Variants in CUL1 observed in about 807,000 individuals in gnomAD.
CUL1 encodes the protein cullin 1.
A neutral mutation model predicts 118.0 loss-of-function variants in CUL1; 24 were observed. The observed-to-expected ratio is 0.20, with a 90% CI of 0.15 to 0.29. CUL1 has a LOEUF of 0.29. Among genes scored for constraint, CUL1 ranks in the 10% least tolerant of loss-of-function variants. CUL1 has a pLI of 1.00. For synonymous variants in CUL1, 332 were observed against 340.4 expected, an observed-to-expected ratio of 0.98 and a Z score of 0.27; for missense variants, 361 against 933.8, an observed-to-expected ratio of 0.39 and a Z score of 7.99.
chr7:148,782,046 C>T (rs538843749), intron 9 of CUL1, among the ~76,000 whole-genome samples: 1 of 152,244 alleles, frequency 6.6e-6, no homozygotes, highest in African/African-American at 2.4e-5. Flanking sequence ...TACCCAATAG[C>T]GTTTCTAGCA....
rs1801342389 is a variant in CUL1, at chr7:148,800,290, C to T, written c.2251-212C>T. Among the ~76,000 whole-genome samples the T allele has an allele frequency of 6.6e-6, 1 of 152,184 alleles. No homozygotes were observed. Among genetic ancestry groups the T allele is most frequent in the South Asian group, 2.1e-4 (1 of 4,832 alleles). On this transcript the variant is annotated intron_variant, in intron 21 of 21. Coordinates refer to ENST00000325222, the MANE Select transcript of CUL1 (RefSeq NM_003592.3). The surrounding 1 kb of genome is among the most constrained non-coding windows in gnomAD (Gnocchi z 4.6). Reference sequence around the variant, plus strand: ...GGCGGGTGCAGGAGGGACTCGGAGTCACCCTCAGCAAGTGTCAGGGAGCTC... The same window carrying T: ...GGCGGGTGCAGGAGGGACTCGGAGTTACCCTCAGCAAGTGTCAGGGAGCTC...
At chr7:148,716,962 T>C (rs776754514) in intron 1 of CUL1, among the ~76,000 whole-genome samples, 2 of 152,336 alleles carry the variant, frequency 1.3e-5, no homozygotes, top group East Asian at 3.9e-4. Context: ...ATCTGTCATG[T>C]TATTAGATCT....
At chr7:148,759,749 T>G (rs1799777676) in intron 6 of CUL1, 111 bp downstream of exon 6, 1 of 515,478 alleles carries the variant, frequency 1.9e-6, no homozygotes. Context: ...AGGATATTGT[T>G]AGCATTTACG....
intron 1 of CUL1, among the ~76,000 whole-genome samples, chr7:148,725,697 A>C (rs564868723): frequency 6.6e-6 from 1 of 152,324 alleles, no homozygotes; most frequent in Non-Finnish European, 1.5e-5. Context: ...TGTGTGACCT[A>C]TCTGTCCTTT....
chr7:148,708,857 G>C (rs1018618471), intron 1 of CUL1, among the ~76,000 whole-genome samples: 2 of 152,206 alleles, frequency 1.3e-5, no homozygotes, highest in Non-Finnish European at 2.9e-5. Context: ...TGCGGAAGTT[G>C]TGTTAACTTT....
At chr7:148,791,085 C>T (rs1800989494) in intron 16 of CUL1, among the ~76,000 whole-genome samples, 1 of 152,144 alleles carries the variant, frequency 6.6e-6, no homozygotes, top group Non-Finnish European at 1.5e-5. Flanking sequence ...CTTTGGGAGG[C>T]TGAGACCAGA....
intron 1 of CUL1, among the ~76,000 whole-genome samples, chr7:148,701,897 G>C (rs1464693458): frequency 6.6e-6 from 1 of 152,182 alleles, no homozygotes; most frequent in East Asian, 1.9e-4. Flanking sequence ...CAGTGACCTT[G>C]AGTCATTCTG....
At chr7:148,729,917 A>C in intron 1 of CUL1, 45 bp from the exon 2 acceptor site, 1 of 553,714 alleles carries the variant, frequency 1.8e-6, no homozygotes, top group Non-Finnish European at 3.1e-6. Flanking sequence ...ACCTTATTAC[A>C]GTACCCCAGA....
chr7:148,703,761 G>C (rs1431085462), intron 1 of CUL1, among the ~76,000 whole-genome samples: 1 of 152,032 alleles, frequency 6.6e-6, no homozygotes, highest in Non-Finnish European at 1.5e-5. Context: ...TCAAACTCCT[G>C]ACCTCGTGAT....
At chr7:148,722,124 G>A (rs932305095) in intron 1 of CUL1, among the ~76,000 whole-genome samples, 1 of 152,330 alleles carries the variant, frequency 6.6e-6, no homozygotes, top group African/African-American at 2.4e-5. Context: ...GATAGGTGAT[G>A]AAGAAATGCT....
At chr7:148,756,873 A>G in intron 3 of CUL1, 110 bp from the exon 4 acceptor site, 1 of 632,704 alleles carries the variant, frequency 1.6e-6, no homozygotes. Flanking sequence ...GAAGCCATCT[A>G]AAATCACATG....
intron 7 of CUL1, among the ~76,000 whole-genome samples, chr7:148,766,164 T>G (rs1309343343): frequency 2.0e-5 from 3 of 152,154 alleles, no homozygotes; most frequent in African/African-American, 7.2e-5. Flanking sequence ...GGAGTCTTGC[T>G]CTGTTGCCCA....
intron 1 of CUL1, among the ~76,000 whole-genome samples, chr7:148,705,679 G>A (rs773135639): frequency 7.2e-5 from 11 of 152,134 alleles, no homozygotes; most frequent in Non-Finnish European, 1.2e-4. Context: ...TGGAAGGAAA[G>A]GTTTGGAATC....
At chr7:148,792,960 T>C (rs1008408669) in intron 17 of CUL1, 142 bp downstream of exon 17, 6 of 588,706 alleles carry the variant, frequency 1.0e-5, no homozygotes, top group Non-Finnish European at 1.7e-5. Flanking sequence ...TATGGCCTTA[T>C]TCCAGGATTT....
At chr7:148,705,050 G>A (rs989790068) in intron 1 of CUL1, among the ~76,000 whole-genome samples, 4 of 152,148 alleles carry the variant, frequency 2.6e-5, no homozygotes, top group African/African-American at 4.8e-5. Flanking sequence ...TATTTCCAGC[G>A]GTCAGGTTCT....
At chr7:148,702,147 T>C (rs570927410) in intron 1 of CUL1, among the ~76,000 whole-genome samples, 1 of 152,342 alleles carries the variant, frequency 6.6e-6, no homozygotes, top group Non-Finnish European at 1.5e-5. Context: ...TAATTTCCTG[T>C]TTATAGGAGG....
chr7:148,793,099 G>A (rs1467729394), intron 17 of CUL1, among the ~76,000 whole-genome samples: 3 of 152,298 alleles, frequency 2.0e-5, no homozygotes, highest in Non-Finnish European at 1.5e-5. Flanking sequence ...GGTCGAGGCT[G>A]CAGTGAGCTA....
intron 1 of CUL1, among the ~76,000 whole-genome samples, chr7:148,712,144 CTT>C (rs1334565974): frequency 6.6e-6 from 1 of 152,202 alleles, no homozygotes; most frequent in Non-Finnish European, 1.5e-5. Flanking sequence ...AGAAGAGAAA[CTT>C]TTTGGATGCT....
intron 11 of CUL1, among the ~76,000 whole-genome samples, chr7:148,785,428 G>A (rs528885125): frequency 1.3e-5 from 2 of 151,684 alleles, no homozygotes; most frequent in South Asian, 2.1e-4. Context: ...GCACAATCTC[G>A]GCTCACTGCA....
Sources: gnomAD v4.1 joint callset for allele counts (sites outside exome capture counted in the v4.1 genomes callset) on GRCh38, gnomAD v4.1.1 for gene constraint, Gnocchi (gnomAD v3.1) non-coding constraint, MANE v1.5 for transcripts, NCBI Gene and HGNC (gene_info 2026-07-23, HGNC 2026-07-21) for gene names.